The following TIGIT variants were observed in gnomAD, a reference collection of about 807,000 sequenced individuals.
The protein encoded by TIGIT is T cell immunoreceptor with Ig and ITIM domains, also known as T-cell immunoreceptor with Ig and ITIM domains.
A neutral mutation model predicts 19.6 loss-of-function variants in TIGIT; 11 were observed. That is an observed-to-expected ratio of 0.56 (90% CI 0.35 to 0.93). The LOEUF is 0.93. TIGIT is among the 40% of genes least tolerant of loss of function. The pLI is 0.01. For synonymous variants in TIGIT, 130 were observed against 125.5 expected (o/e 1.04, Z -0.24); for missense variants, 295 against 303.9 (o/e 0.97, Z 0.22).
At chr3:114,303,630 T>TATACACATATATATGTATATACACAC (rs1281900522) in intron 3 of TIGIT, among the ~76,000 whole-genome samples, 1 of 115,896 alleles carries the variant, frequency 8.6e-6, no homozygotes, top group African/African-American at 3.2e-5. Flanking sequence ...TGTATATATA[T>TATACACATATATATGTATATACACAC]ACACACACAC....
intron 3 of TIGIT, chr3:114,307,425 A>C (rs1461977486): frequency 5.8e-6 from 1 of 171,108 alleles, no homozygotes; most frequent in African/African-American, 2.4e-5. Flanking sequence ...AGAGAGCAGA[A>C]CCCTGGGGAA....
At position 114,309,338 on chromosome 3, in the gene TIGIT, TAGA is replaced by T. The variant is rs1378546665; in HGVS notation, c.*1211_*1213del. 1.3e-5 allele frequency: 2 copies of T among 152,214 alleles called. No homozygotes were observed. The highest frequency in any genetic ancestry group is 4.8e-5 in the African/African-American group (2 of 41,450). The allele number at this position is 152,214 out of a possible 1,614,324, so 9.4% of individuals were successfully genotyped here. A position where few individuals can be genotyped will look rare whatever the true frequency, so the allele number is the denominator to read the frequency against. On this transcript the variant is annotated 3_prime_UTR_variant, in exon 4 of 4. Transcript: ENST00000383671. ...GTTTAATTGCATTCAGGCTGGATCT[TAGA>T]AGACTTTTATCCTTCCACCATCTCT...
At chr3:114,297,311 A>G (rs1397755287) in intron 2 of TIGIT, among the ~76,000 whole-genome samples, 1 of 152,146 alleles carries the variant, frequency 6.6e-6, no homozygotes. Context: ...TTGTCGATAA[A>G]ATGTGGCAAA....
intron 3 of TIGIT, among the ~76,000 whole-genome samples, chr3:114,303,822 T>A (rs193294338): frequency 6.6e-6 from 1 of 152,150 alleles, no homozygotes; most frequent in Admixed American, 6.5e-5. Flanking sequence ...CTACTTTTAG[T>A]TCCTTAAGGA....
chr3:114,302,173 T>A, intron 3 of TIGIT, among the ~76,000 whole-genome samples: 1 of 152,194 alleles, frequency 6.6e-6, no homozygotes. Flanking sequence ...TACCCTCATC[T>A]CATTCCTCTC....
At position 114,294,104 on chromosome 3, in the gene TIGIT, C is replaced by T; in HGVS notation, c.43C>T (p.Gln15Ter). The T allele has an allele frequency of 6.4e-7, 1 of 1,555,138 alleles. No individual in the cohort carries two copies. Among genetic ancestry groups the T allele is most frequent in the South Asian group, 1.2e-5 (1 of 84,368 alleles). ...LLLIWAQGLR[Q>*]APLASGMMTG... ...CCTGATCTGGGCCCAGGGGCTGAGG[C>T]AGGCTCCCCTCGCCTCAGGTAAGGC... The change falls in exon 1 of 4, where the codon CAG (glutamine) becomes TAG (stop). Residue 15 changes from glutamine to a stop codon, truncating the protein, a stop_gained. Transcript: ENST00000383671. LOFTEE classifies it high-confidence loss of function.
chr3:114,295,567 A>G lies in TIGIT; in HGVS notation c.84A>G (p.Glu28=). ...LASGMMTGTI[E]TTGNISAEKG... ...TAGGAATGATGACAGGCACAATAGAAACAACGGGGAACATTTCTGCAGAGA... is the reference window on the plus strand; with the variant it reads ...TAGGAATGATGACAGGCACAATAGAGACAACGGGGAACATTTCTGCAGAGA... Residue 28 remains glutamate (E), a synonymous_variant, in exon 2 of 4, where the codon GAA becomes GAG. Coordinates refer to ENST00000383671, the MANE Select transcript of TIGIT (RefSeq NM_173799.4). 6.2e-7 allele frequency: 1 copy of G among 1,613,950 alleles called. No individual in the cohort carries two copies. The highest frequency in any genetic ancestry group is 8.5e-7 in the Non-Finnish European group (1 of 1,179,874).
rs762758273 is a variant in TIGIT, at chr3:114,294,153, G to A, written c.61+31G>A. 48 of 1,526,140 alleles carry A rather than the reference G, an allele frequency of 3.1e-5. No homozygotes were observed. In the Middle Eastern group the frequency reaches 5.7e-4, roughly 18 times the overall value. The allele number at this position is 1,526,140 out of a possible 1,614,324, so 94.5% of individuals were successfully genotyped here. ...GCCTGAAACCCAGCAGAGCAGCAGGGAGGAAAAACAAGGCTAAGCTTGGTT... is the reference window on the plus strand; with the variant it reads ...GCCTGAAACCCAGCAGAGCAGCAGGAAGGAAAAACAAGGCTAAGCTTGGTT... On this transcript the variant is annotated intron_variant, in intron 1 of 3. Transcript: ENST00000383671.
intron 3 of TIGIT, among the ~76,000 whole-genome samples, chr3:114,304,349 A>G (rs1293838592): frequency 1.3e-5 from 2 of 152,166 alleles, no homozygotes; most frequent in Non-Finnish European, 1.5e-5. Context: ...GACCCACAAA[A>G]CTCAGTTTGC....
At chr3:114,297,918 G>C (rs1330497811) in intron 2 of TIGIT, among the ~76,000 whole-genome samples, 1 of 152,178 alleles carries the variant, frequency 6.6e-6, no homozygotes, top group Non-Finnish European at 1.5e-5. Flanking sequence ...CTTCCCTCTT[G>C]TTTCCCAAGT....
chr3:114,296,887 CTTCTTTT>C lies in TIGIT; in HGVS notation c.391+1016_391+1022del, dbSNP rs1342168537. On this transcript the variant is annotated intron_variant, in intron 2 of 3. Coordinates refer to ENST00000383671, the MANE Select transcript of TIGIT (RefSeq NM_173799.4). The stretch of plus-strand genomic sequence containing the variant: ...CCTTAAAGTTTCCTTTCAAATGTTA[CTTCTTTT>C]TTTTTTTTTTTTTTTTTGAGACGGA... 5.2e-5 allele frequency among the ~76,000 whole-genome samples: 6 copies of C among 116,102 alleles called. No individual in the cohort carries two copies. In the East Asian group the frequency reaches 1.3e-3, roughly 25 times the overall value. 76.2% of individuals were successfully genotyped at this position (116,102 alleles called of 152,430 possible). A position where few individuals can be genotyped will look rare whatever the true frequency, so the allele number is the denominator to read the frequency against.
chr3:114,302,964 C>T (rs187150887), intron 3 of TIGIT, among the ~76,000 whole-genome samples: 2 of 152,156 alleles, frequency 1.3e-5, no homozygotes, highest in Non-Finnish European at 2.9e-5. Flanking sequence ...TCTGTTGCAA[C>T]AATTCAACTC....
chr3:114,302,582 C>CT (rs1416926219), intron 3 of TIGIT, among the ~76,000 whole-genome samples: 1 of 152,146 alleles, frequency 6.6e-6, no homozygotes, highest in Non-Finnish European at 1.5e-5. Flanking sequence ...CATTTTGTTT[C>CT]TTTAAGTGCT....
intron 2 of TIGIT, among the ~76,000 whole-genome samples, chr3:114,297,196 A>C (rs948463845): frequency 2.0e-5 from 3 of 152,132 alleles, no homozygotes; most frequent in Non-Finnish European, 2.9e-5. Flanking sequence ...GGCCAAACAA[A>C]GACTGGTTAA....
chr3:114,298,864 G>T (rs981594908), intron 2 of TIGIT, among the ~76,000 whole-genome samples: 1 of 152,150 alleles, frequency 6.6e-6, no homozygotes, highest in Non-Finnish European at 1.5e-5. Flanking sequence ...TACCTACAGC[G>T]CAGCATGCAT....
chr3:114,304,410 A>G (rs888432107), intron 3 of TIGIT, among the ~76,000 whole-genome samples: 5 of 152,132 alleles, frequency 3.3e-5, no homozygotes, highest in Non-Finnish European at 7.4e-5. Context: ...CCCCTTTTCC[A>G]TAGTTTGCCA....
rs539986801 is a variant in TIGIT at position 114,295,766 on chromosome 3, C to T, written c.283C>T (p.Leu95Phe). ...CCCAGGTCCCGGCCTGGGCCTCACC[C>T]TCCAGTCGCTGACCGTGAACGATAC... is the stretch of plus-strand genomic sequence containing the variant. ...VAPGPGLGLT[L>F]QSLTVNDTGE... Residue 95 changes from leucine (L) to phenylalanine (F), a missense_variant, in exon 2 of 4, where the codon CTC becomes TTC. By Grantham distance (22) the Leu-to-Phe change is conservative. Coordinates refer to ENST00000383671, the MANE Select transcript of TIGIT (RefSeq NM_173799.4). 9.3e-6 allele frequency: 15 copies of T among 1,614,192 alleles called. No homozygotes were observed. In the East Asian group the frequency reaches 2.0e-4, roughly 22 times the overall value.
chr3:114,304,342 C>T (rs761373086), intron 3 of TIGIT, among the ~76,000 whole-genome samples: 1 of 152,100 alleles, frequency 6.6e-6, no homozygotes, highest in Non-Finnish European at 1.5e-5. Context: ...CATATTTGAC[C>T]CACAAAACTC....
At chr3:114,306,180 T>A (rs1365377737) in intron 3 of TIGIT, among the ~76,000 whole-genome samples, 1 of 152,128 alleles carries the variant, frequency 6.6e-6, no homozygotes, top group African/African-American at 2.4e-5. Flanking sequence ...GAAGAGTGTG[T>A]CCCAACTCCA....
Sources: allele counts gnomAD v4.1 joint callset (sites outside exome capture counted in the v4.1 genomes callset), GRCh38; gene constraint gnomAD v4.1.1; transcripts MANE v1.5; gene names NCBI Gene and HGNC (gene_info 2026-07-23, HGNC 2026-07-21).